Variants in RAB3GAP1 observed in about 807,000 individuals in gnomAD.
RAB3GAP1 encodes the protein rab3 GTPase-activating protein catalytic subunit.
Under a neutral mutation model 130.7 loss-of-function variants are expected in RAB3GAP1, and 86 were observed. The ratio of observed to expected loss-of-function variants is 0.66; its 90% confidence interval spans 0.55 to 0.79. The LOEUF (loss-of-function observed/expected upper bound fraction) is 0.79. Ranked by LOEUF, RAB3GAP1 falls within the 30% of genes least tolerant of loss-of-function variation. The pLI is 0.00. For synonymous variants in RAB3GAP1, 367 were observed against 401.7 expected (o/e 0.91, Z 1.03); for missense variants, 1,029 against 1,169.4 (o/e 0.88, Z 1.75).
At chr2:135,068,276 G>A (rs1401822055) in intron 3 of RAB3GAP1, among the ~76,000 whole-genome samples, 1 of 151,976 alleles carries the variant, frequency 6.6e-6, no homozygotes, top group African/African-American at 2.4e-5. Flanking sequence ...GACATTTTTA[G>A]TTCTATTATT....
chr2:135,147,624 C>CCCTT (rs1553448281), intron 17 of RAB3GAP1, among the ~76,000 whole-genome samples: 1 of 142,652 alleles, frequency 7.0e-6, no homozygotes, highest in Non-Finnish European at 1.5e-5. Flanking sequence ...CTCCCCCCCC[C>CCCTT]TTTTTTTTTT....
intron 17 of RAB3GAP1, 65 bp from the exon 18 acceptor site, chr2:135,150,304 A>G (rs1692138656): frequency 1.3e-5 from 21 of 1,590,062 alleles, no homozygotes; most frequent in Middle Eastern, 1.7e-4. Flanking sequence ...TCTTTATTCT[A>G]TTTTTATGGT....
rs1251960689 is a variant in RAB3GAP1 at position 135,113,281 on chromosome 2, A to G, written c.482+11A>G. ...GGGAAACACTGGCTGGTGAGTGGAC[A>G]TTTTTTAAAACCTAGACAAAAAAAC... is the stretch of plus-strand genomic sequence containing the variant. On this transcript the variant is annotated intron_variant, in intron 6 of 23. Coordinates refer to ENST00000264158, the MANE Select transcript of RAB3GAP1 (RefSeq NM_012233.3). 6.2e-6 allele frequency: 10 copies of G among 1,614,070 alleles called. No homozygotes were observed. The highest frequency in any genetic ancestry group is 8.5e-6 in the Non-Finnish European group (10 of 1,179,934).
chr2:135,105,960 C>T (rs1441555438), intron 5 of RAB3GAP1, among the ~76,000 whole-genome samples: 32 of 151,642 alleles, frequency 2.1e-4, no homozygotes, highest in African/African-American at 4.8e-4. Context: ...GCTCGGCAGC[C>T]GCCCCGTCTG....
chr2:135,125,803 A>G (rs1691333000), intron 9 of RAB3GAP1, among the ~76,000 whole-genome samples: 1 of 152,194 alleles, frequency 6.6e-6, no homozygotes, highest in Non-Finnish European at 1.5e-5. Flanking sequence ...TTCACTTAAT[A>G]TTTTCAGACT....
intron 6 of RAB3GAP1, 59 bp downstream of exon 6, chr2:135,113,329 A>C (rs992319284): frequency 7.0e-6 from 11 of 1,580,430 alleles, no homozygotes; most frequent in Non-Finnish European, 8.7e-6. Flanking sequence ...TAATTTATGA[A>C]GGCAAACAGT....
At chr2:135,117,531 GCTT>G (rs1346321623) in intron 7 of RAB3GAP1, among the ~76,000 whole-genome samples, 167 of 19,964 alleles carry the variant, frequency 8.4e-3, no homozygotes, top group East Asian at 0.022. Context: ...TGCTTCTTCT[GCTT>G]CTTCTTCTGC....
rs149327464 is a variant in RAB3GAP1 at position 135,142,642 on chromosome 2, C to T, written c.1923+6710C>T. Among the ~76,000 whole-genome samples the T allele has an allele frequency of 5.9e-5, 9 of 152,020 alleles. No individual in the cohort carries two copies. The East Asian group carries it at 1.7e-3, about 29-fold the overall frequency. Reference sequence around the variant, plus strand: ...TTGAAGGCACCTGATGTAGATATCACTTATCATATTAAGGAAGTTCCATTC... The same window carrying T: ...TTGAAGGCACCTGATGTAGATATCATTTATCATATTAAGGAAGTTCCATTC... On this transcript the variant is annotated intron_variant, in intron 17 of 23. Coordinates refer to ENST00000264158, the MANE Select transcript of RAB3GAP1 (RefSeq NM_012233.3).
chr2:135,153,671 TG>T lies in RAB3GAP1; in HGVS notation c.2086del (p.Glu696LysfsTer4), dbSNP rs1261366590. 1.2e-6 allele frequency: 2 copies of T among 1,613,892 alleles called. No homozygotes were observed. The highest frequency in any genetic ancestry group is 1.7e-6 in the Non-Finnish European group (2 of 1,179,906). ...TAGGCAGCTAATCCAGGTTGCTCCC[TG>T]GAAGATTTTGTGAGGTGGTATTCAC... The part of the protein sequence containing the change: ...SFKAANPGCS[L>X]EDFVRWYSPR... On this transcript the variant is annotated frameshift_variant, in exon 19 of 24. Coordinates refer to ENST00000264158, the MANE Select transcript of RAB3GAP1 (RefSeq NM_012233.3). LOFTEE classifies it high-confidence loss of function.
chr2:135,065,782 T>C (rs985475553), intron 3 of RAB3GAP1, among the ~76,000 whole-genome samples: 2 of 149,842 alleles, frequency 1.3e-5, no homozygotes, highest in African/African-American at 4.9e-5. Context: ...TTTTTTTTTT[T>C]TTTTTTTGAG....
At chr2:135,175,122 A>G (rs147391750), downstream of RAB3GAP1, among the ~76,000 whole-genome samples, 861 of 152,362 alleles carry the variant, frequency 5.7e-3, 4 homozygotes, top group African/African-American at 0.018. Context: ...ATTGGGGGTT[A>G]GTCCAGGTGA....
chr2:135,098,370 C>G (rs940378163), intron 5 of RAB3GAP1, among the ~76,000 whole-genome samples: 8 of 152,036 alleles, frequency 5.3e-5, no homozygotes, highest in Non-Finnish European at 7.4e-5. Flanking sequence ...TGTAACTTAT[C>G]TTTTAATTTC....
chr2:135,111,905 A>C (rs753550654), intron 5 of RAB3GAP1, among the ~76,000 whole-genome samples: 1 of 152,214 alleles, frequency 6.6e-6, no homozygotes, highest in Non-Finnish European at 1.5e-5. Context: ...TTTTTAGTAA[A>C]AATCCTTCCA....
chr2:135,070,633 G>A (rs1189529701), intron 3 of RAB3GAP1, among the ~76,000 whole-genome samples: 4 of 152,130 alleles, frequency 2.6e-5, no homozygotes, highest in African/African-American at 9.6e-5. Context: ...TCAGTCTCCC[G>A]AGTGTCTAGG....
At chr2:135,117,687 T>TCTG (rs1371308820) in intron 7 of RAB3GAP1, among the ~76,000 whole-genome samples, 11 of 112,466 alleles carry the variant, frequency 9.8e-5, no homozygotes, top group African/African-American at 2.9e-4. Context: ...TGCTTCTGCT[T>TCTG]CTTCTTCTGC....
Position 135,126,571 on chromosome 2 carries a change from T to C in RAB3GAP1, c.900-12T>C, listed in dbSNP as rs777501344. ...ATAATTAGGATTTTATATTTATTGGTTTGCATTTTAGTGATTTGGATCCTA... is the reference window on the plus strand; with the variant it reads ...ATAATTAGGATTTTATATTTATTGGCTTGCATTTTAGTGATTTGGATCCTA... On this transcript the variant is annotated splice_polypyrimidine_tract_variant and intron_variant, in intron 10 of 23. Transcript: ENST00000264158. The C allele has an allele frequency of 5.6e-6, 9 of 1,602,044 alleles. No individual in the cohort carries two copies. The South Asian group carries it at 9.9e-5, about 18-fold the overall frequency.
intron 8 of RAB3GAP1, among the ~76,000 whole-genome samples, chr2:135,121,204 A>G (rs954596016): frequency 2.6e-5 from 4 of 152,134 alleles, no homozygotes; most frequent in African/African-American, 9.7e-5. Flanking sequence ...ATAAATTACT[A>G]TGTAGCGAAT....
intron 17 of RAB3GAP1, among the ~76,000 whole-genome samples, chr2:135,146,887 T>G (rs1692010614): frequency 6.6e-6 from 1 of 151,860 alleles, no homozygotes; most frequent in Non-Finnish European, 1.5e-5. Context: ...TGATAAACAT[T>G]CCAAAAATAA....
chr2:135,164,697 G>A lies in RAB3GAP1; in HGVS notation c.2709+1G>A. The A allele has an allele frequency of 6.3e-7, 1 of 1,591,206 alleles. No homozygotes were observed. The highest frequency in any genetic ancestry group is 1.1e-5 in the South Asian group (1 of 90,252). On this transcript the variant is annotated splice_donor_variant, in intron 23 of 23. Transcript: ENST00000264158. LOFTEE classifies it high-confidence loss of function. ...CAAGCTGTTTGTGAATGCCCAGAGG[G>A]TATGTGAGAGTCATTATTGACTCCA...
Sources: gnomAD v4.1 joint callset for allele counts (sites outside exome capture counted in the v4.1 genomes callset) on GRCh38, gnomAD v4.1.1 for gene constraint, MANE v1.5 for transcripts, NCBI Gene and HGNC (gene_info 2026-07-23, HGNC 2026-07-21) for gene names.